SLC7A14: variants seen among roughly 807,000 people sequenced by gnomAD.
The protein encoded by SLC7A14 is solute carrier family 7 member 14, also known as gamma-aminobutyric acid transporter SLC7A14.
SLC7A14 carries 37 observed loss-of-function variants against 60.2 expected under a neutral mutation model. The observed-to-expected ratio is 0.61, with a 90% CI of 0.47 to 0.81. SLC7A14 has a LOEUF of 0.81. Among genes scored for constraint, SLC7A14 ranks in the 30% least tolerant of loss-of-function variants. SLC7A14 has a pLI of 0.00. For missense variants in SLC7A14, 886 were observed against 982.7 expected (o/e 0.90, Z 1.32); for synonymous variants, 399 against 395.8 (o/e 1.01, Z -0.10).
intron 7 of SLC7A14, among the ~76,000 whole-genome samples, chr3:170,467,823 G>GTT (rs1236683743): frequency 6.6e-6 from 1 of 152,144 alleles, no homozygotes; most frequent in African/African-American, 2.4e-5. Flanking sequence ...ATCAGCAACA[G>GTT]TTTATTCCCA....
At chr3:170,537,026 A>G (rs1713869072) in intron 1 of SLC7A14, among the ~76,000 whole-genome samples, 1 of 152,192 alleles carries the variant, frequency 6.6e-6, no homozygotes, top group Admixed American at 6.5e-5. Flanking sequence ...ACTGAAGGAA[A>G]TGGAAGCCTT....
At chr3:170,561,001 C>A (rs1714631166) in intron 1 of SLC7A14, among the ~76,000 whole-genome samples, 1 of 152,120 alleles carries the variant, frequency 6.6e-6, no homozygotes. Flanking sequence ...AGAAAAGACA[C>A]CCCCTTCCCC....
At position 170,465,613 on chromosome 3, in the gene SLC7A14, T is replaced by G. The variant is rs533175005; in HGVS notation, c.*1442A>C. 1 of 152,358 alleles carries G rather than the reference T, an allele frequency of 6.6e-6. No individual in the cohort carries two copies. Among genetic ancestry groups the G allele is most frequent in the Admixed American group, 6.5e-5 (1 of 15,304 alleles). 9.4% of individuals were successfully genotyped at this position (152,358 alleles called of 1,614,324 possible). On this transcript the variant is annotated 3_prime_UTR_variant, in exon 8 of 8. Transcript: ENST00000231706. ...AGGAGAGAAAGGACAAGGAATTTCT[T>G]CTTTTGTCCCTCTTTCAGGAAATCC...
Position 170,493,499 on chromosome 3 carries a change from G to A in SLC7A14, c.759+5168C>T, listed in dbSNP as rs115729600. ...CCATTCCATCCTACCTAAAGCAATT[G>A]AAGAATAAAGTGGGTTGGACCTCTG... On this transcript the variant is annotated intron_variant, in intron 4 of 7. Transcript: ENST00000231706. Among the ~76,000 whole-genome samples, 1,154 of 152,260 alleles carry A rather than the reference G, an allele frequency of 7.6e-3. 9 individuals are homozygous for A. The highest frequency in any genetic ancestry group is 0.012 in the Non-Finnish European group (843 of 68,024).
chr3:170,507,442 C>T (rs761771898), intron 2 of SLC7A14, among the ~76,000 whole-genome samples: 2 of 152,054 alleles, frequency 1.3e-5, no homozygotes, highest in Non-Finnish European at 1.5e-5. Flanking sequence ...CTTAGGAGCA[C>T]GGTTCTTTGG....
chr3:170,481,800 A>G (rs1219034153), intron 6 of SLC7A14, among the ~76,000 whole-genome samples: 1 of 152,146 alleles, frequency 6.6e-6, no homozygotes, highest in Non-Finnish European at 1.5e-5. Context: ...TCAGAAACCT[A>G]GATTGAAGCC....
chr3:170,575,659 A>G (rs1025292565), intron 1 of SLC7A14, among the ~76,000 whole-genome samples: 2 of 152,238 alleles, frequency 1.3e-5, no homozygotes, highest in Admixed American at 6.5e-5. Context: ...ACAAAATGCT[A>G]TGAACTGAGA....
rs754888768 is a variant in SLC7A14 at position 170,465,257 on chromosome 3, A to G, written c.*1798T>C. 1.3e-5 allele frequency: 2 copies of G among 152,254 alleles called. No individual in the cohort carries two copies. Among genetic ancestry groups the G allele is most frequent in the Non-Finnish European group, 2.9e-5 (2 of 68,044 alleles). The allele number at this position is 152,254 out of a possible 1,614,324, so 9.4% of individuals were successfully genotyped here. A position where few individuals can be genotyped will look rare whatever the true frequency, so the allele number is the denominator to read the frequency against. ...ATTTAAAGCATATTTTTTAAAAACTAGTTTCAATTCATCTTTATATGTATG... is the reference window on the plus strand; with the variant it reads ...ATTTAAAGCATATTTTTTAAAAACTGGTTTCAATTCATCTTTATATGTATG... On this transcript the variant is annotated 3_prime_UTR_variant, in exon 8 of 8. Transcript: ENST00000231706.
intron 1 of SLC7A14, among the ~76,000 whole-genome samples, chr3:170,527,584 A>T (rs1713552437): frequency 6.6e-6 from 1 of 152,244 alleles, no homozygotes; most frequent in South Asian, 2.1e-4. Context: ...TTTTTAACAT[A>T]AAAATGTAAA....
At position 170,581,761 on chromosome 3, in the gene SLC7A14, T is replaced by C. The variant is rs151119556; in HGVS notation, c.-153+4150A>G. On this transcript the variant is annotated intron_variant, in intron 1 of 7. Coordinates refer to ENST00000231706, the MANE Select transcript of SLC7A14 (RefSeq NM_020949.3). Reference sequence around the variant, plus strand: ...TATACCTACACTTTGAGTTTTACAATAGTCCTTTGAGATAGTTATGGCAAT... The same window carrying C: ...TATACCTACACTTTGAGTTTTACAACAGTCCTTTGAGATAGTTATGGCAAT... 2.2e-4 allele frequency among the ~76,000 whole-genome samples: 34 copies of C among 152,290 alleles called. No individual in the cohort carries two copies. The East Asian group carries it at 4.6e-3, about 21-fold the overall frequency.
At chr3:170,476,323 G>A (rs1005852922) in intron 7 of SLC7A14, among the ~76,000 whole-genome samples, 2 of 152,194 alleles carry the variant, frequency 1.3e-5, no homozygotes, top group Non-Finnish European at 2.9e-5. Context: ...TACTAAAGCA[G>A]TTAGCAGCAG....
chr3:170,570,934 A>G (rs184790215), intron 1 of SLC7A14, among the ~76,000 whole-genome samples: 1 of 152,050 alleles, frequency 6.6e-6, no homozygotes, highest in East Asian at 1.9e-4. Context: ...TAGTGCACCC[A>G]TCACCCAAAT....
At position 170,480,373 on chromosome 3, in the gene SLC7A14, C is replaced by CAGGCACAAAGGGG; in HGVS notation, c.1896_1908dup (p.Ala637ProfsTer68). On this transcript the variant is annotated frameshift_variant, in exon 7 of 8. Coordinates refer to ENST00000231706, the MANE Select transcript of SLC7A14 (RefSeq NM_020949.3). LOFTEE classifies it high-confidence loss of function. ...TAGATGTTCACCAGCATGGCAAAGG[C>CAGGCACAAAGGGG]AGGCACAAAGGGGAGGCAAGGGGCC... 1 of 1,607,912 alleles carries CAGGCACAAAGGGG rather than the reference C, an allele frequency of 6.2e-7. No homozygotes were observed. The highest frequency in any genetic ancestry group is 8.5e-7 in the Non-Finnish European group (1 of 1,176,622).
intron 1 of SLC7A14, among the ~76,000 whole-genome samples, chr3:170,547,067 A>G (rs1714201833): frequency 6.6e-6 from 1 of 152,264 alleles, no homozygotes; most frequent in African/African-American, 2.4e-5. Context: ...ATGTGCAGCC[A>G]TGGCTGGGTC....
At chr3:170,504,322 T>C (rs866101520) in intron 2 of SLC7A14, among the ~76,000 whole-genome samples, 1 of 152,040 alleles carries the variant, frequency 6.6e-6, no homozygotes, top group Middle Eastern at 3.4e-3. Flanking sequence ...ATTTTTTTAA[T>C]TTTTTTTAAA....
Position 170,483,402 on chromosome 3 carries a change from C to G in SLC7A14, c.1027G>C (p.Val343Leu), listed in dbSNP as rs367972904. The G allele has an allele frequency of 5.6e-6, 9 of 1,614,214 alleles. No homozygotes were observed. Among genetic ancestry groups the G allele is most frequent in the Non-Finnish European group, 7.6e-6 (9 of 1,180,052 alleles). The change falls in exon 6 of 8, where the codon GTT becomes CTT. Residue 343 changes from valine to leucine, a missense_variant. By Grantham distance (32) the Val-to-Leu change is conservative. Transcript: ENST00000231706. ...AGCAAGCTGACTGTCAGTCCTGCAA[C>G]CGACCCAATGGCCACTACGAATTTG... The part of the protein sequence containing the change: ...AAKFVVAIGS[V>L]AGLTVSLLGS...
chr3:170,467,261 C>T lies in SLC7A14; in HGVS notation c.2110G>A (p.Val704Met). The stretch of plus-strand genomic sequence containing the variant: ...GTGGCGTAGGAGAAACCCTCCTCCA[C>T]TGAGAAGGGGTCATCCACGTCGTAG... The part of the protein sequence containing the change: ...QRYDVDDPFS[V>M]EEGFSYATEG... Residue 704 changes from valine (V) to methionine (M), a missense_variant, in exon 8 of 8, where the codon GTG (valine) becomes ATG (methionine). Physicochemically the swap from Val to Met is conservative, Grantham distance 21. Transcript: ENST00000231706. 1 of 1,614,258 alleles carries T rather than the reference C, an allele frequency of 6.2e-7. No homozygotes were observed. Among genetic ancestry groups the T allele is most frequent in the East Asian group, 2.2e-5 (1 of 44,884 alleles).
chr3:170,559,171 G>C (rs1041529701), intron 1 of SLC7A14, among the ~76,000 whole-genome samples: 5 of 152,176 alleles, frequency 3.3e-5, no homozygotes, highest in African/African-American at 1.2e-4. Context: ...AACAGCACAC[G>C]TGTGTTTTCA....
At position 170,486,337 on chromosome 3, in the gene SLC7A14, G is replaced by A; in HGVS notation, c.791C>T (p.Ala264Val). The change falls in exon 5 of 8, where the codon GCT becomes GTT. Residue 264 changes from alanine to valine, a missense_variant. Transcript: ENST00000231706. ...GGCGATGATGTCAAAGCCAATGAAA[G>A]CGTAGAAGCATGTTGCTGCTCCTTG... ...VLQGAATCFY[A>V]FIGFDIIATT... 1 of 1,614,244 alleles carries A rather than the reference G, an allele frequency of 6.2e-7. No individual in the cohort carries two copies. Among genetic ancestry groups the A allele is most frequent in the Non-Finnish European group, 8.5e-7 (1 of 1,180,048 alleles).
Sources: gnomAD v4.1 joint callset for allele counts (sites outside exome capture counted in the v4.1 genomes callset) on GRCh38, gnomAD v4.1.1 for gene constraint, MANE v1.5 for transcripts, NCBI Gene and HGNC (gene_info 2026-07-23, HGNC 2026-07-21) for gene names.